Variants in PTPRD observed in about 807,000 individuals in gnomAD.
PTPRD encodes the protein protein tyrosine phosphatase receptor type D, also known as receptor-type tyrosine-protein phosphatase delta.
A neutral mutation model predicts 214.5 loss-of-function variants in PTPRD; 34 were observed. The ratio of observed to expected loss-of-function variants is 0.16; its 90% CI spans 0.12 to 0.21. PTPRD has a LOEUF of 0.21. PTPRD is among the 10% of genes least tolerant of loss of function. The probability of loss-of-function intolerance (pLI) is 1.00; values close to 1 mark genes in which losing one functional copy is unlikely to be tolerated. For missense variants in PTPRD, 2,545 were observed against 2,398.7 expected (o/e 1.06, Z -1.27); for synonymous variants, 1,128 against 845.7 (o/e 1.33, Z -5.79).
intron 3 of PTPRD, among the ~76,000 whole-genome samples, chr9:10,245,032 C>A (rs1364385224): frequency 6.6e-6 from 1 of 152,066 alleles, no homozygotes; most frequent in Non-Finnish European, 1.5e-5. Flanking sequence ...AACATTCACA[C>A]AATGTATCTA....
chr9:8,804,696 G>C (rs972690570), intron 11 of PTPRD, among the ~76,000 whole-genome samples: 22 of 147,394 alleles, frequency 1.5e-4, no homozygotes, highest in Non-Finnish European at 3.0e-4. Context: ...TTCTTACTCA[G>C]AATACTCTAA....
chr9:9,096,487 T>A (rs1306772634), intron 10 of PTPRD, among the ~76,000 whole-genome samples: 1 of 152,218 alleles, frequency 6.6e-6, no homozygotes, highest in Non-Finnish European at 1.5e-5. Flanking sequence ...GACATTTTTG[T>A]GTTCCATGAC....
chr9:8,904,949 T>A (rs1188377676), intron 11 of PTPRD, among the ~76,000 whole-genome samples: 1 of 152,174 alleles, frequency 6.6e-6, no homozygotes, highest in Non-Finnish European at 1.5e-5. Context: ...GCATACACAT[T>A]AAAATTGGCC....
intron 8 of PTPRD, among the ~76,000 whole-genome samples, chr9:9,450,632 G>A (rs2091879689): frequency 6.6e-6 from 1 of 151,820 alleles, no homozygotes; most frequent in Non-Finnish European, 1.5e-5. Context: ...GCATGCCTGA[G>A]ACCTAAGCAT....
intron 12 of PTPRD, among the ~76,000 whole-genome samples, chr9:8,640,737 G>C (rs1466009697): frequency 6.8e-6 from 1 of 147,782 alleles, no homozygotes; most frequent in African/African-American, 2.5e-5. Flanking sequence ...TCACTGACAA[G>C]AAAATCATGA....
intron 2 of PTPRD, among the ~76,000 whole-genome samples, chr9:10,611,651 G>C (rs759106717): frequency 6.6e-6 from 1 of 152,148 alleles, no homozygotes; most frequent in Non-Finnish European, 1.5e-5. Flanking sequence ...TCAGCCTTAG[G>C]AGACACCTTA....
At position 9,165,309 on chromosome 9, in the gene PTPRD, A is replaced by C. The variant is rs910905007; in HGVS notation, c.-143+17995T>G. Among the ~76,000 whole-genome samples, 6 of 152,332 alleles carry C rather than the reference A, an allele frequency of 3.9e-5. No individual in the cohort carries two copies. In the East Asian group the frequency reaches 1.2e-3, roughly 29 times the overall value. ...AGTGAGGAACCAAAAGATGAATGTC[A>C]GGACTTCTTAATTTTGAGGAGAGAA... is the stretch of plus-strand genomic sequence containing the variant. On this transcript the variant is annotated intron_variant, in intron 10 of 45. Transcript: ENST00000381196.
At chr9:8,734,791 A>G (rs2098699938) in intron 11 of PTPRD, among the ~76,000 whole-genome samples, 2 of 152,226 alleles carry the variant, frequency 1.3e-5, no homozygotes, top group Admixed American at 6.5e-5. Context: ...GTACAATTTA[A>G]TAAGTGATTA....
intron 9 of PTPRD, among the ~76,000 whole-genome samples, chr9:9,342,733 T>C (rs1033941650): frequency 2.0e-5 from 3 of 151,668 alleles, no homozygotes; most frequent in Non-Finnish European, 4.4e-5. Flanking sequence ...TATTATACTT[T>C]AAGTTCTGGG....
intron 39 of PTPRD, among the ~76,000 whole-genome samples, chr9:8,374,846 T>C (rs368001811): frequency 6.2e-4 from 94 of 152,034 alleles, no homozygotes; most frequent in African/African-American, 2.2e-3. Flanking sequence ...CATTGTAGCA[T>C]GGTTTGGCTA....
chr9:8,611,981 G>A (rs1438745422), intron 14 of PTPRD, among the ~76,000 whole-genome samples: 4 of 139,198 alleles, frequency 2.9e-5, no homozygotes, highest in African/African-American at 8.4e-5. Context: ...GGGGAGGGGA[G>A]GGGAGGGGAG....
chr9:9,264,529 AT>A (rs1938162141), intron 9 of PTPRD, among the ~76,000 whole-genome samples: 1 of 151,594 alleles, frequency 6.6e-6, no homozygotes, highest in African/African-American at 2.4e-5. Context: ...AGCCTATGGG[AT>A]TTATGGGACA....
intron 7 of PTPRD, among the ~76,000 whole-genome samples, chr9:9,676,085 T>G (rs1335332851): frequency 6.6e-6 from 1 of 152,154 alleles, no homozygotes; most frequent in East Asian, 1.9e-4. Flanking sequence ...AAATATATTC[T>G]AAAAGAATTT....
intron 10 of PTPRD, among the ~76,000 whole-genome samples, chr9:9,079,384 T>G (rs2154419212): frequency 6.6e-6 from 1 of 152,270 alleles, no homozygotes; most frequent in South Asian, 2.1e-4. Flanking sequence ...CAGGATTTTA[T>G]TCATTTTTAT....
At chr9:9,023,933 G>C (rs532667532) in intron 10 of PTPRD, among the ~76,000 whole-genome samples, 1 of 149,998 alleles carries the variant, frequency 6.7e-6, no homozygotes, top group East Asian at 2.0e-4. Context: ...TCTCATCTTC[G>C]GTTAAGATTA....
At chr9:10,002,597 A>G (rs2096354435) in intron 4 of PTPRD, among the ~76,000 whole-genome samples, 1 of 151,296 alleles carries the variant, frequency 6.6e-6, no homozygotes, top group Non-Finnish European at 1.5e-5. Flanking sequence ...CAAAAGAAGA[A>G]TATTTTGTAA....
chr9:9,824,189 A>G (rs2051844242), intron 5 of PTPRD, among the ~76,000 whole-genome samples: 1 of 152,016 alleles, frequency 6.6e-6, no homozygotes, highest in African/African-American at 2.4e-5. Flanking sequence ...TTATCAAAAA[A>G]AAAATTCAGA....
At chr9:10,593,341 C>A (rs949850910) in intron 2 of PTPRD, among the ~76,000 whole-genome samples, 1 of 151,944 alleles carries the variant, frequency 6.6e-6, no homozygotes. Flanking sequence ...TAAATGTATA[C>A]AGCACATGTA....
intron 35 of PTPRD, among the ~76,000 whole-genome samples, chr9:8,421,066 C>A (rs1171953155): frequency 2.0e-5 from 3 of 152,046 alleles, no homozygotes; most frequent in African/African-American, 7.2e-5. Context: ...TCCTCCGTCT[C>A]CAAAAGACTT....
Sources: allele counts gnomAD v4.1 joint callset (sites outside exome capture counted in the v4.1 genomes callset), GRCh38; gene constraint gnomAD v4.1.1; transcripts MANE v1.5; gene names NCBI Gene and HGNC (gene_info 2026-07-23, HGNC 2026-07-21).